Variants in CEP170B observed in about 807,000 individuals in gnomAD.
CEP170B encodes the protein centrosomal protein of 170 kDa protein B.
A neutral mutation model predicts 120.6 loss-of-function variants in CEP170B; 55 were observed. The observed-to-expected ratio is 0.46, with a 90% CI of 0.37 to 0.57. CEP170B has a LOEUF of 0.57. Ranked by LOEUF, CEP170B falls within the 20% of genes least tolerant of loss-of-function variation. The pLI is 0.00. For missense variants in CEP170B, 2,212 were observed against 2,253.3 expected (o/e 0.98, Z 0.37); for synonymous variants, 1,033 against 954.5 (o/e 1.08, Z -1.52).
At chr14:104,872,497 T>TGTGC (rs951007572) in intron 2 of CEP170B, among the ~76,000 whole-genome samples, 1 of 110,078 alleles carries the variant, frequency 9.1e-6, no homozygotes, top group Admixed American at 1.0e-4. Context: ...GCCGTGTGTG[T>TGTGC]GTGCGTGTGT....
chr14:104,881,473 G>A (rs1345527806), intron 6 of CEP170B, among the ~76,000 whole-genome samples: 1 of 152,216 alleles, frequency 6.6e-6, no homozygotes, highest in Admixed American at 6.5e-5. Flanking sequence ...AGCCGCAGCT[G>A]CCGGTGTCTG....
rs760886648 is a variant in CEP170B at position 104,887,459 on chromosome 14, G to GGAC, written c.3222_3224dup (p.Arg1075dup). On this transcript the variant is annotated inframe_insertion, in exon 12 of 19. Coordinates refer to ENST00000414716, the MANE Select transcript of CEP170B (RefSeq NM_001112726.3). ...CGAAACCCCTGAGGCCACCGGGGCA[G>GGAC]GACGGCTAGGTTCTCGCCGGAAACC... 2 of 1,611,786 alleles carry GGAC rather than the reference G, an allele frequency of 1.2e-6. No individual in the cohort carries two copies. The highest frequency in any genetic ancestry group is 2.2e-5 in the South Asian group (2 of 90,936).
Position 104,865,713 on chromosome 14 carries a change from C to A in CEP170B, c.-28+200C>A, listed in dbSNP as rs1895167862. Among the ~76,000 whole-genome samples the A allele has an allele frequency of 1.3e-5, 2 of 151,880 alleles. No homozygotes were observed. Among genetic ancestry groups the A allele is most frequent in the African/African-American group, 4.8e-5 (2 of 41,406 alleles). ...CTGGTCTGCGCCAGGCCGGGAGGAG[C>A]CGCCCCGTTTCTACGCGGCCTGCGG... is the stretch of plus-strand genomic sequence containing the variant. On this transcript the variant is annotated intron_variant, in intron 1 of 18. Transcript: ENST00000414716. This position sits in a 1 kb window ranked among gnomAD's most constrained non-coding sequence, Gnocchi z 6.7.
At chr14:104,893,185 G>T in intron 14 of CEP170B, 50 bp downstream of exon 14, 1 of 1,569,804 alleles carries the variant, frequency 6.4e-7, no homozygotes, top group South Asian at 1.2e-5. Flanking sequence ...CCCTCGAGGA[G>T]GGTCAGGCCA....
At chr14:104,869,373 A>G (rs2841225) in intron 2 of CEP170B, among the ~76,000 whole-genome samples, 83,365 of 152,012 alleles carry the variant, frequency 0.55, 24,304 homozygotes, top group Middle Eastern at 0.78. Context: ...CTGCCCACTC[A>G]GACGTTGCCT....
rs117650472 is a variant in CEP170B at position 104,882,783 on chromosome 14, C to T, written c.528C>T (p.Asp176=). The change falls in exon 7 of 19, where the codon GAC becomes GAT. Residue 176 remains aspartate, a synonymous_variant. Coordinates refer to ENST00000414716, the MANE Select transcript of CEP170B (RefSeq NM_001112726.3). ...LYGQPSWWGE[D]DGSTLPDAQR... is the part of the protein sequence containing the mutation. ...GGCAGCCCTCCTGGTGGGGTGAGGA[C>T]GATGGTAGCACGCTGCCTGACGCCC... is the stretch of plus-strand genomic sequence containing the variant. 2.2e-5 allele frequency: 36 copies of T among 1,612,326 alleles called. No homozygotes were observed. In the East Asian group the frequency reaches 2.5e-4, roughly 11 times the overall value.
chr14:104,880,485 C>G, intron 6 of CEP170B, 60 bp downstream of exon 6: 1 of 1,580,266 alleles, frequency 6.3e-7, no homozygotes, highest in Middle Eastern at 2.0e-4. Flanking sequence ...CCCTCTGCCC[C>G]GCACCTGCCT....
In CEP170B at chr14:104,884,138, G is replaced by T. The variant is rs568196034; in HGVS notation, c.1359G>T (p.Gln453His). The T allele has an allele frequency of 1.3e-6, 2 of 1,561,304 alleles. No homozygotes were observed. Among genetic ancestry groups the T allele is most frequent in the Non-Finnish European group, 1.7e-6 (2 of 1,154,042 alleles). ...GCCCCAGTGTCCCAGCCCCAGTCCA[G>T]GCAGGGGGCCGCAGCTCGGGGCCAC... The part of the protein sequence containing the change: ...RDRPSVPAPV[Q>H]AGGRSSGPQR... Residue 453 changes from glutamine to histidine, a missense_variant, in exon 9 of 19, where the codon CAG becomes CAT. This residue lies in a region of CEP170B where 2,166 missense variants were observed against 2,166.7 expected (regional missense o/e 1.00). Coordinates refer to ENST00000414716, the MANE Select transcript of CEP170B (RefSeq NM_001112726.3).
rs753793628 is a variant in CEP170B at position 104,884,446 on chromosome 14, G to A, written c.1667G>A (p.Arg556Gln). ...ACGGACCCCCAGCTGACCAAGGCAC[G>A]GAAACAGGAGGAGGACGACAGCCTC... is the stretch of plus-strand genomic sequence containing the variant. ...APTDPQLTKARKQEEDDSLSD... is the reference protein window; with the variant it reads ...APTDPQLTKAQKQEEDDSLSD... Residue 556 changes from arginine to glutamine, a missense_variant, in exon 9 of 19, where the codon CGG becomes CAG. Transcript: ENST00000414716. 9.3e-5 allele frequency: 144 copies of A among 1,548,724 alleles called. No homozygotes were observed. Among genetic ancestry groups the A allele is most frequent in the Non-Finnish European group, 1.2e-4 (132 of 1,146,192 alleles).
In CEP170B at chr14:104,887,569, C is replaced by T. The variant is rs1227886285; in HGVS notation, c.3330C>T (p.Thr1110=). 6.3e-7 allele frequency: 1 copy of T among 1,598,586 alleles called. No individual in the cohort carries two copies. Among genetic ancestry groups the T allele is most frequent in the South Asian group, 1.1e-5 (1 of 89,314 alleles). Residue 1110 remains threonine, a synonymous_variant, in exon 12 of 19, where the codon ACC becomes ACT. Transcript: ENST00000414716. ...CCCAGAAGGGGCCGCAGGCCTTGAC[C>T]CGCTCCAACAGCCTGTCCACCCCTC... is the stretch of plus-strand genomic sequence containing the variant. ...ASSQKGPQAL[T]RSNSLSTPRP... is the part of the protein sequence containing the mutation.
Position 104,896,067 on chromosome 14 carries a change from C to T in CEP170B, c.*1109C>T. The T allele has an allele frequency of 6.3e-6, 1 of 158,654 alleles. No homozygotes were observed. The highest frequency in any genetic ancestry group is 1.4e-5 in the Non-Finnish European group (1 of 71,594). 9.8% of individuals were successfully genotyped at this position (158,654 alleles called of 1,614,324 possible). On this transcript the variant is annotated 3_prime_UTR_variant, in exon 19 of 19. Coordinates refer to ENST00000414716, the MANE Select transcript of CEP170B (RefSeq NM_001112726.3). ...TTGCCGGAGCCTCTAAGCCAAAGAG[C>T]CCGTTGGCCGTGGTTGGTGGGGGTG...
chr14:104,885,935 T>C, intron 10 of CEP170B, 105 bp from the exon 11 acceptor site: 3 of 1,017,632 alleles, frequency 2.9e-6, no homozygotes, highest in Non-Finnish European at 4.2e-6. Context: ...CGCGCATGCG[T>C]GGGGCTGGTG....
chr14:104,872,176 CGTGTGT>C (rs1383889305), intron 2 of CEP170B, among the ~76,000 whole-genome samples: 1 of 129,778 alleles, frequency 7.7e-6, no homozygotes, highest in East Asian at 2.4e-4. Flanking sequence ...CGTGTGTGTG[CGTGTGT>C]GTGCTGTGTG....
rs533274787 is a variant in CEP170B, at chr14:104,866,727, G to A, written c.-28+1214G>A. Among the ~76,000 whole-genome samples, 6 of 152,290 alleles carry A rather than the reference G, an allele frequency of 3.9e-5. No homozygotes were observed. In the South Asian group the frequency reaches 1.2e-3, roughly 32 times the overall value. ...GTGTTGGTTTTCCCTGCTGCTCACC[G>A]AAGGGAGCTGAGATCTGGTGAAGAG... On this transcript the variant is annotated intron_variant, in intron 1 of 18. Coordinates refer to ENST00000414716, the MANE Select transcript of CEP170B (RefSeq NM_001112726.3).
At chr14:104,890,299 T>G (rs1896753822) in intron 13 of CEP170B, among the ~76,000 whole-genome samples, 1 of 113,024 alleles carries the variant, frequency 8.8e-6, no homozygotes, top group African/African-American at 3.4e-5. Context: ...GGTGGATGGA[T>G]GGATGGGTGA....
rs1377507113 is a variant in CEP170B, at chr14:104,891,109, G to A, written c.3878+1351G>A. Among the ~76,000 whole-genome samples the A allele has an allele frequency of 2.0e-5, 3 of 151,976 alleles. No individual in the cohort carries two copies. The highest frequency in any genetic ancestry group is 2.0e-4 in the Admixed American group (3 of 15,254). ...GAGTGAGTGGGTGGATGGAGGGGTG[G>A]GTGGATGCAGATCTTCCCAGGAGGT... On this transcript the variant is annotated intron_variant, in intron 13 of 18. Transcript: ENST00000414716. This position sits in a 1 kb window ranked among gnomAD's most constrained non-coding sequence, Gnocchi z 4.3.
Position 104,893,068 on chromosome 14 carries a change from C to T in CEP170B, c.3971C>T (p.Pro1324Leu). The change falls in exon 14 of 19, where the codon CCT becomes CTT. Residue 1324 changes from proline (P) to leucine (L), a missense_variant. Coordinates refer to ENST00000414716, the MANE Select transcript of CEP170B (RefSeq NM_001112726.3). ...GGTGACACACTGGGCTCCTCGGAGC[C>T]TGCCCACAGCGCCTCCCTCAGCAAC... ...GDGDTLGSSE[P>L]AHSASLSNMP... 1.9e-6 allele frequency: 3 copies of T among 1,604,172 alleles called. No homozygotes were observed. Among genetic ancestry groups the T allele is most frequent in the Middle Eastern group, 3.7e-4 (2 of 5,420 alleles).
chr14:104,889,905 A>ATGGATGGATGGATGG, intron 13 of CEP170B, 147 bp downstream of exon 13: 1 of 136,238 alleles, frequency 7.3e-6, no homozygotes, highest in African/African-American at 5.1e-5. Flanking sequence ...TGGATGGACA[A>ATGGATGGATGGATGG]ATGGATGGAT....
rs1312920480 is a variant in CEP170B at position 104,870,915 on chromosome 14, A to G, written c.105+2360A>G. ...GCTGTCTGCCTCCCGGTGCCCCTGC[A>G]GCGGCCTCCTACCTGCCCACCGCTG... On this transcript the variant is annotated intron_variant, in intron 2 of 18. Transcript: ENST00000414716. This position sits in a 1 kb window ranked among gnomAD's most constrained non-coding sequence, Gnocchi z 4.1. Among the ~76,000 whole-genome samples the G allele has an allele frequency of 6.6e-6, 1 of 151,906 alleles. No individual in the cohort carries two copies. Among genetic ancestry groups the G allele is most frequent in the African/African-American group, 2.4e-5 (1 of 41,308 alleles).
Sources: gnomAD v4.1 joint callset for allele counts (sites outside exome capture counted in the v4.1 genomes callset) on GRCh38, gnomAD v4.1.1 for gene constraint, gnomAD v4.1.1 regional missense constraint, Gnocchi (gnomAD v3.1) non-coding constraint, MANE v1.5 for transcripts, NCBI Gene and HGNC (gene_info 2026-07-23, HGNC 2026-07-21) for gene names.